TXNDC15: variants seen among roughly 807,000 people sequenced by gnomAD.
TXNDC15 encodes thioredoxin domain-containing protein 15.
TXNDC15 carries 24 observed loss-of-function variants against 35.0 expected under a neutral mutation model. That is an observed-to-expected ratio of 0.68 (90% CI 0.50 to 0.96). The LOEUF (loss-of-function observed/expected upper bound fraction) is 0.96. Ranked by LOEUF, TXNDC15 falls within the 40% of genes least tolerant of loss-of-function variation. The pLI is 0.00. For missense variants in TXNDC15, 385 were observed against 453.3 expected, an observed-to-expected ratio of 0.85 and a Z score of 1.37; for synonymous variants, 169 against 174.0, an observed-to-expected ratio of 0.97 and a Z score of 0.23.
At chr5:134,892,288 C>G (rs1379461611) in intron 2 of TXNDC15, 2 of 152,286 alleles carry the variant, frequency 1.3e-5, no homozygotes, top group Non-Finnish European at 2.9e-5. Context: ...ATGAGCCAAC[C>G]CCAGCTAATT....
At position 134,884,219 on chromosome 5, in the gene TXNDC15, C is replaced by CAA. The variant is rs372857992; in HGVS notation, c.104-3460_104-3459dup. On this transcript the variant is annotated intron_variant, in intron 1 of 4. Coordinates refer to ENST00000358387, the MANE Select transcript of TXNDC15 (RefSeq NM_024715.4). The stretch of plus-strand genomic sequence containing the variant: ...TGGACGATAGAGCAAGACTCAGTTT[C>CAA]AAAAAAAAAAAAAAAAAGGGTACAA... 4.3e-3 allele frequency among the ~76,000 whole-genome samples: 387 copies of CAA among 89,486 alleles called. 4 individuals are homozygous for CAA. The highest frequency in any genetic ancestry group is 0.012 in the African/African-American group (322 of 26,488). The allele number at this position is 89,486 out of a possible 152,430, so 58.7% of individuals were successfully genotyped here.
intron 4 of TXNDC15, among the ~76,000 whole-genome samples, chr5:134,896,805 G>A (rs1194022184): frequency 6.6e-6 from 1 of 151,404 alleles, no homozygotes; most frequent in African/African-American, 2.4e-5. Flanking sequence ...CACCATACCC[G>A]GCTAATTTTT....
At chr5:134,889,383 C>T (rs1750343192) in intron 2 of TXNDC15, among the ~76,000 whole-genome samples, 1 of 152,210 alleles carries the variant, frequency 6.6e-6, no homozygotes, top group African/African-American at 2.4e-5. Flanking sequence ...GCCACCACGC[C>T]TGGCTAATTT....
At chr5:134,885,110 C>T (rs542688364) in intron 1 of TXNDC15, among the ~76,000 whole-genome samples, 25 of 152,050 alleles carry the variant, frequency 1.6e-4, no homozygotes, top group Admixed American at 1.3e-3. Flanking sequence ...TTAATAGAGA[C>T]AGGGTTTCAC....
At chr5:134,874,952 C>T in intron 1 of TXNDC15, 1 of 363,660 alleles carries the variant, frequency 2.7e-6, no homozygotes, top group East Asian at 7.2e-5. Flanking sequence ...TTTAATGCTC[C>T]CACAAACCCT....
chr5:134,891,713 C>G (rs1479370061), intron 2 of TXNDC15, among the ~76,000 whole-genome samples: 2 of 152,038 alleles, frequency 1.3e-5, no homozygotes, highest in African/African-American at 4.8e-5. Flanking sequence ...TTGCTTAAAC[C>G]TAGGAGTTCC....
At chr5:134,894,139 G>A (rs139372059) in intron 3 of TXNDC15, among the ~76,000 whole-genome samples, 1 of 146,306 alleles carries the variant, frequency 6.8e-6, no homozygotes, top group African/African-American at 2.5e-5. Flanking sequence ...TCTTTCCTGC[G>A]TACTTATTCT....
intron 1 of TXNDC15, among the ~76,000 whole-genome samples, chr5:134,882,192 C>T (rs1010956951): frequency 6.6e-6 from 1 of 151,062 alleles, no homozygotes; most frequent in Non-Finnish European, 1.5e-5. Context: ...AGACGCTCCT[C>T]ACATCCCGGA....
chr5:134,889,440 T>G (rs992669329), intron 2 of TXNDC15, among the ~76,000 whole-genome samples: 7 of 152,198 alleles, frequency 4.6e-5, no homozygotes, highest in Non-Finnish European at 8.8e-5. Flanking sequence ...GCCAGGCTGG[T>G]CTCAAATTCC....
In TXNDC15 at chr5:134,898,612, T is replaced by C. The variant is rs114669058; in HGVS notation, c.887-877T>C. ...TTACAAGGTGGTTAGCTAGTCCAAG[T>C]CTTGTCATGGATCCCTGATTGTCAT... is the stretch of plus-strand genomic sequence containing the variant. On this transcript the variant is annotated intron_variant, in intron 4 of 4. Transcript: ENST00000358387. Among the ~76,000 whole-genome samples the C allele has an allele frequency of 5.6e-3, 858 of 152,250 alleles. 9 individuals are homozygous for C. The highest frequency in any genetic ancestry group is 0.019 in the African/African-American group (804 of 41,546).
At chr5:134,887,638 T>C (rs2150187433) in intron 1 of TXNDC15, 57 bp from the exon 2 acceptor site, 2 of 1,514,888 alleles carry the variant, frequency 1.3e-6, no homozygotes, top group Non-Finnish European at 1.8e-6. Context: ...CTGTAATTCT[T>C]TGGGGTTCAT....
At chr5:134,887,418 C>G (rs1156898374) in intron 1 of TXNDC15, among the ~76,000 whole-genome samples, 1 of 152,158 alleles carries the variant, frequency 6.6e-6, no homozygotes, top group Non-Finnish European at 1.5e-5. Flanking sequence ...CTCCTGACCT[C>G]AAGTGATCCA....
At chr5:134,881,769 C>A (rs1750150910) in intron 1 of TXNDC15, among the ~76,000 whole-genome samples, 1 of 147,418 alleles carries the variant, frequency 6.8e-6, no homozygotes, top group South Asian at 2.2e-4. Context: ...GGCGGCCGGG[C>A]AGAGGCGCCC....
intron 1 of TXNDC15, among the ~76,000 whole-genome samples, chr5:134,881,799 G>A (rs1342508791): frequency 2.0e-5 from 3 of 150,432 alleles, no homozygotes; most frequent in Admixed American, 6.6e-5. Context: ...CGGACGGGGC[G>A]GCTGGCCGGG....
chr5:134,896,315 C>T lies in TXNDC15; in HGVS notation c.777C>T (p.Thr259=), dbSNP rs758655141. The T allele has an allele frequency of 4.4e-5, 71 of 1,613,402 alleles. No homozygotes were observed. The highest frequency in any genetic ancestry group is 5.0e-5 in the Non-Finnish European group (59 of 1,179,830). ...GTAGCCTTTCTACCAGGTTTGGCAC[C>T]GTAGCTGTTCCTAATATTTTATTAT... ...QHSSLSTRFG[T]VAVPNILLFQ... The change falls in exon 4 of 5, where the codon ACC becomes ACT. Residue 259 remains threonine, a synonymous_variant. Transcript: ENST00000358387.
chr5:134,899,718 T>C lies in TXNDC15; in HGVS notation c.*33T>C. 1 of 1,514,024 alleles carries C rather than the reference T, an allele frequency of 6.6e-7. No homozygotes were observed. The highest frequency in any genetic ancestry group is 8.9e-7 in the Non-Finnish European group (1 of 1,127,914). 93.8% of individuals were successfully genotyped at this position (1,514,024 alleles called of 1,614,324 possible). On this transcript the variant is annotated 3_prime_UTR_variant, in exon 5 of 5. Transcript: ENST00000358387. Reference sequence around the variant, plus strand: ...CTGAAAGAAGTTGGAAAGAGGAACTTCAATCCTTCGTTTCAGAAATTAGTG... The same window carrying C: ...CTGAAAGAAGTTGGAAAGAGGAACTCCAATCCTTCGTTTCAGAAATTAGTG...
intron 4 of TXNDC15, among the ~76,000 whole-genome samples, chr5:134,897,521 T>A (rs1750517965): frequency 6.6e-6 from 1 of 152,236 alleles, no homozygotes; most frequent in Non-Finnish European, 1.5e-5. Context: ...AGTGCTCAGA[T>A]TACAGGTGTG....
At chr5:134,899,392 G>A (rs1750555790) in intron 4 of TXNDC15, 97 bp from the exon 5 acceptor site, 6 of 976,268 alleles carry the variant, frequency 6.1e-6, no homozygotes, top group South Asian at 2.9e-5. Context: ...CTTATTTTAG[G>A]ACTGCATGTC....
intron 4 of TXNDC15, among the ~76,000 whole-genome samples, 162 bp downstream of exon 4, chr5:134,896,586 TC>T (rs1201517100): frequency 1.3e-5 from 2 of 152,158 alleles, no homozygotes; most frequent in African/African-American, 4.8e-5. Context: ...GTTAAATACT[TC>T]CCAATCAGTA....
Sources: allele counts gnomAD v4.1 joint callset (sites outside exome capture counted in the v4.1 genomes callset), GRCh38; gene constraint gnomAD v4.1.1; transcripts MANE v1.5; gene names NCBI Gene and HGNC (gene_info 2026-07-23, HGNC 2026-07-21).